IGSF5: variants seen among roughly 807,000 people sequenced by gnomAD.
The protein encoded by IGSF5 is immunoglobulin superfamily member 5.
IGSF5 carries 41 observed loss-of-function variants against 39.4 expected under a neutral mutation model. That is an observed-to-expected ratio of 1.04 (90% CI 0.81 to 1.35). IGSF5 has a LOEUF of 1.35. Ranked by LOEUF, IGSF5 falls within the 40% of genes most tolerant of loss-of-function variation. The probability of loss-of-function intolerance (pLI) is 0.00; values close to 1 mark genes in which losing one functional copy is unlikely to be tolerated. For synonymous variants in IGSF5, 183 were observed against 175.3 expected (o/e 1.04, Z -0.34); for missense variants, 487 against 494.6 (o/e 0.98, Z 0.15).
chr21:39,718,105 C>T, the IGSF5 span, among the ~76,000 whole-genome samples: 1 of 151,412 alleles, frequency 6.6e-6, no homozygotes. Context: ...TTGTGTGTGT[C>T]ACAATTGAGA....
chr21:39,734,439 T>TACACACACACAC, the IGSF5 span, among the ~76,000 whole-genome samples: 1,398 of 120,280 alleles, frequency 0.012, 17 homozygotes, highest in Middle Eastern at 0.019. Context: ...AAAAAAAAAA[T>TACACACACACAC]ACACACACAC....
chr21:39,773,541 T>C (rs1008415549), intron 4 of IGSF5, among the ~76,000 whole-genome samples: 1 of 151,718 alleles, frequency 6.6e-6, no homozygotes, highest in African/African-American at 2.4e-5. Context: ...AATCTATTCC[T>C]GTCATTTTTC....
chr21:39,780,151 C>T (rs76461106), intron 5 of IGSF5, among the ~76,000 whole-genome samples: 6,209 of 152,062 alleles, frequency 0.041, 431 homozygotes, highest in African/African-American at 0.14. Flanking sequence ...AATATCACAG[C>T]GTACACTGTA....
chr21:39,774,411 G>A (rs538284266), intron 4 of IGSF5, among the ~76,000 whole-genome samples: 9 of 152,310 alleles, frequency 5.9e-5, no homozygotes, highest in East Asian at 3.9e-4. Flanking sequence ...CCTGCAAGTC[G>A]TTGAAACAGG....
chr21:39,745,797 G>A (rs981584153), intron 1 of IGSF5, among the ~76,000 whole-genome samples: 4 of 152,162 alleles, frequency 2.6e-5, no homozygotes, highest in Non-Finnish European at 5.9e-5. Flanking sequence ...TTAACTGGCC[G>A]ACAGGTGTCC....
intron 2 of IGSF5, among the ~76,000 whole-genome samples, chr21:39,762,952 T>C (rs2080068537): frequency 6.6e-6 from 1 of 151,952 alleles, no homozygotes; most frequent in Non-Finnish European, 1.5e-5. Context: ...CTGCCCCCCA[T>C]CTGGCTGTTT....
At chr21:39,757,022 A>C (rs185107987) in intron 2 of IGSF5, among the ~76,000 whole-genome samples, 1 of 141,978 alleles carries the variant, frequency 7.0e-6, no homozygotes, top group Non-Finnish European at 1.5e-5. Flanking sequence ...TCTGCAGTTC[A>C]TCAAGCACAG....
chr21:39,752,932 T>C (rs1012727558), intron 2 of IGSF5, among the ~76,000 whole-genome samples: 11 of 152,222 alleles, frequency 7.2e-5, no homozygotes, highest in Non-Finnish European at 1.3e-4. Flanking sequence ...TGCAAATATT[T>C]CCCCCCACTC....
chr21:39,759,599 G>T (rs991684888), intron 2 of IGSF5, among the ~76,000 whole-genome samples: 1 of 152,122 alleles, frequency 6.6e-6, no homozygotes, highest in East Asian at 1.9e-4. Context: ...GGGTGTGGTG[G>T]CTCACGCCTG....
At chr21:39,737,458 C>T in the IGSF5 span, among the ~76,000 whole-genome samples, 6 of 152,292 alleles carry the variant, frequency 3.9e-5, no homozygotes, top group East Asian at 3.9e-4. Context: ...ACTTTCCCAC[C>T]GATCTGCATG....
At chr21:39,747,635 C>T (rs140669383) in intron 2 of IGSF5, among the ~76,000 whole-genome samples, 197 of 152,304 alleles carry the variant, frequency 1.3e-3, no homozygotes, top group Middle Eastern at 3.4e-3. Context: ...CAAGAGACCA[C>T]CTAAAATTTT....
At chr21:39,752,972 C>T (rs6517561) in intron 2 of IGSF5, among the ~76,000 whole-genome samples, 124,246 of 152,114 alleles carry the variant, frequency 0.82, 50,914 homozygotes, top group Admixed American at 0.86. Flanking sequence ...CTGCTGATTA[C>T]TTCTTTTGCT....
In IGSF5 at chr21:39,779,311, T is replaced by G. The variant is rs779112202; in HGVS notation, c.934+6T>G. On this transcript the variant is annotated splice_donor_region_variant and intron_variant, in intron 5 of 8. Transcript: ENST00000380588. The stretch of plus-strand genomic sequence containing the variant: ...CTGCTGTAGAAGAAAAAGAGGTAAT[T>G]TTTTTGTTCATTTACATTTGTACAT... 6.2e-7 allele frequency: 1 copy of G among 1,610,688 alleles called. No individual in the cohort carries two copies. Among genetic ancestry groups the G allele is most frequent in the Non-Finnish European group, 8.5e-7 (1 of 1,177,832 alleles).
Position 39,771,112 on chromosome 21 carries a change from G to A in IGSF5, c.615G>A (p.Leu205=). The part of the protein sequence containing the change: ...DLQSAVSILA[L]TPQSNGTLTC... ...AAAGTGCAGTGAGCATCCTGGCTCT[G>A]ACCCCACAGAGCAATGGGACTTTGA... is the stretch of plus-strand genomic sequence containing the variant. The change falls in exon 4 of 9, where the codon CTG becomes CTA. Residue 205 remains leucine (L), a synonymous_variant. Transcript: ENST00000380588. The A allele has an allele frequency of 6.2e-7, 1 of 1,613,144 alleles. No homozygotes were observed. The highest frequency in any genetic ancestry group is 1.1e-5 in the South Asian group (1 of 90,722).
At chr21:39,737,635 G>A in the IGSF5 span, among the ~76,000 whole-genome samples, 1 of 152,218 alleles carries the variant, frequency 6.6e-6, no homozygotes, top group Non-Finnish European at 1.5e-5. Context: ...TGCGCAGGGC[G>A]AGGGATGTGG....
chr21:39,765,845 C>A lies in IGSF5; in HGVS notation c.411C>A (p.Thr137=). 6.2e-7 allele frequency: 1 copy of A among 1,611,722 alleles called. No homozygotes were observed. The highest frequency in any genetic ancestry group is 8.5e-7 in the Non-Finnish European group (1 of 1,178,250). ...NSRLHGSAYL[T]VQVMGELFIP... is the part of the protein sequence containing the mutation. ...GCCTGCATGGATCTGCTTACCTTAC[C>A]GTCCAAGGTGTGTATGCAGGTGGCT... The change falls in exon 3 of 9, where the codon ACC becomes ACA. Residue 137 remains threonine (T), a synonymous_variant. Coordinates refer to ENST00000380588, the MANE Select transcript of IGSF5 (RefSeq NM_001080444.2).
At position 39,749,690 on chromosome 21, in the gene IGSF5, G is replaced by C. The variant is rs557513512; in HGVS notation, c.100+3392G>C. Reference sequence around the variant, plus strand: ...GTAATGTGTACATTGGTTTGGTCTGGAAAGGTGGGACAATTCCAAGTGGGG... The same window carrying C: ...GTAATGTGTACATTGGTTTGGTCTGCAAAGGTGGGACAATTCCAAGTGGGG... On this transcript the variant is annotated intron_variant, in intron 2 of 8. Coordinates refer to ENST00000380588, the MANE Select transcript of IGSF5 (RefSeq NM_001080444.2). Among the ~76,000 whole-genome samples the C allele has an allele frequency of 1.4e-4, 21 of 152,364 alleles. 1 individual carries two copies. The South Asian group carries it at 3.9e-3, about 29-fold the overall frequency.
chr21:39,718,611 T>C, the IGSF5 span, among the ~76,000 whole-genome samples: 1 of 152,250 alleles, frequency 6.6e-6, no homozygotes, highest in Non-Finnish European at 1.5e-5. Flanking sequence ...GATAATCATA[T>C]GGTTTTTGTC....
At chr21:39,785,729 T>G (rs2080197266) in intron 5 of IGSF5, among the ~76,000 whole-genome samples, 1 of 151,974 alleles carries the variant, frequency 6.6e-6, no homozygotes, top group Admixed American at 6.6e-5. Flanking sequence ...CTCTTTTATT[T>G]CCTTGAGCAG....
Sources: gnomAD v4.1 joint callset for allele counts (sites outside exome capture counted in the v4.1 genomes callset) on GRCh38, gnomAD v4.1.1 for gene constraint, MANE v1.5 for transcripts, NCBI Gene and HGNC (gene_info 2026-07-23, HGNC 2026-07-21) for gene names.